Variants in PDE1C observed in about 807,000 individuals in gnomAD.
PDE1C encodes dual specificity calcium/calmodulin-dependent 3',5'-cyclic nucleotide phosphodiesterase 1C.
In PDE1C, 62 loss-of-function variants were observed where a neutral mutation model predicts 93.1. The observed-to-expected ratio is 0.67, with a 90% CI of 0.54 to 0.82. The LOEUF is 0.82. PDE1C is among the 40% of genes least tolerant of loss of function. The pLI is 0.00. For missense variants in PDE1C, 742 were observed against 884.6 expected (o/e 0.84, Z 2.04); for synonymous variants, 325 against 310.1 (o/e 1.05, Z -0.50).
intron 2 of PDE1C, among the ~76,000 whole-genome samples, chr7:32,008,938 A>T (rs1321522740): frequency 6.6e-6 from 1 of 151,628 alleles, no homozygotes; most frequent in East Asian, 1.9e-4. Flanking sequence ...CATAAGACAA[A>T]AAAAAGGCTA....
At chr7:32,050,362 T>C (rs1207203998) in intron 2 of PDE1C, among the ~76,000 whole-genome samples, 2 of 152,024 alleles carry the variant, frequency 1.3e-5, no homozygotes, top group Non-Finnish European at 2.9e-5. Context: ...GTTTAAAGAA[T>C]AAAGATGGAG....
chr7:31,907,689 T>C (rs1439863873), intron 2 of PDE1C, among the ~76,000 whole-genome samples: 1 of 152,024 alleles, frequency 6.6e-6, no homozygotes, highest in African/African-American at 2.4e-5. Context: ...AATAATAAAA[T>C]ATGTGAATGT....
chr7:31,890,713 GAAAT>G (rs1243260902), intron 2 of PDE1C, among the ~76,000 whole-genome samples: 7 of 151,982 alleles, frequency 4.6e-5, no homozygotes, highest in African/African-American at 9.7e-5. Context: ...TATAATAACA[GAAAT>G]AAATAAATTA....
At chr7:32,392,338 C>T (rs1030119730) in intron 1 of PDE1C, among the ~76,000 whole-genome samples, 39 of 152,148 alleles carry the variant, frequency 2.6e-4, no homozygotes, top group African/African-American at 8.2e-4. Context: ...TAGGTTGCTT[C>T]GCTGGTAAAT....
chr7:32,184,378 T>C (rs541440545), intron 2 of PDE1C, among the ~76,000 whole-genome samples: 31 of 152,242 alleles, frequency 2.0e-4, no homozygotes, highest in African/African-American at 7.0e-4. Context: ...CTATTCACAA[T>C]AGCAAAGACT....
At position 32,350,547 on chromosome 7, in the gene PDE1C, AATATATATATATATATATAT is replaced by A. The variant is rs1180195472; in HGVS notation, c.310+77255_310+77274del. ...TAAGGTCTATGCATGGCATTTGACT[AATATATATATATATATATAT>A]ATATATATATATATATATATATATT... On this transcript the variant is annotated intron_variant, in intron 1 of 1. Transcript: ENST00000672256. Among the ~76,000 whole-genome samples the A allele has an allele frequency of 4.0e-3, 163 of 41,042 alleles. 67 individuals are homozygous for A. The highest frequency in any genetic ancestry group is 3.4e-3 in the South Asian group (2 of 582). 26.9% of individuals were successfully genotyped at this position (41,042 alleles called of 152,430 possible).
intron 2 of PDE1C, among the ~76,000 whole-genome samples, chr7:31,896,367 C>A (rs1403846355): frequency 1.3e-5 from 2 of 152,280 alleles, no homozygotes; most frequent in African/African-American, 4.8e-5. Flanking sequence ...GAATTTATTA[C>A]CAGAAATAAA....
chr7:32,344,263 G>A (rs1323648935), intron 1 of PDE1C, among the ~76,000 whole-genome samples: 1 of 151,896 alleles, frequency 6.6e-6, no homozygotes, highest in East Asian at 1.9e-4. Flanking sequence ...TTTGTAGAGA[G>A]GGAGGTTTCA....
At chr7:32,213,171 T>C (rs2128846535) in intron 1 of PDE1C, among the ~76,000 whole-genome samples, 1 of 152,338 alleles carries the variant, frequency 6.6e-6, no homozygotes, top group Middle Eastern at 3.4e-3. Context: ...GTGTGTTTTG[T>C]TTGGTCTCAC....
chr7:31,650,117 G>T, the PDE1C span, among the ~76,000 whole-genome samples: 1 of 152,152 alleles, frequency 6.6e-6, no homozygotes, highest in Non-Finnish European at 1.5e-5. Context: ...CCTTCTAGAT[G>T]ATTACATTTC....
At chr7:32,387,886 C>A (rs380847) in intron 1 of PDE1C, among the ~76,000 whole-genome samples, 114,036 of 151,248 alleles carry the variant, frequency 0.75, 44,847 homozygotes, top group East Asian at 0.96. Context: ...CCGGACGGGG[C>A]GGCTGAGGAC....
chr7:32,321,859 T>A (rs1219726068), intron 1 of PDE1C, among the ~76,000 whole-genome samples: 1 of 152,194 alleles, frequency 6.6e-6, no homozygotes, highest in Non-Finnish European at 1.5e-5. Context: ...TGTTCAAATC[T>A]CCTTAATCCA....
At chr7:32,103,255 C>T (rs1798124691) in intron 3 of PDE1C, among the ~76,000 whole-genome samples, 1 of 152,054 alleles carries the variant, frequency 6.6e-6, no homozygotes, top group Admixed American at 6.6e-5. Flanking sequence ...GGCTATTCTA[C>T]CAGAGAAGAG....
chr7:32,034,266 T>C (rs1563225991), intron 2 of PDE1C, among the ~76,000 whole-genome samples: 1 of 152,092 alleles, frequency 6.6e-6, no homozygotes, highest in Non-Finnish European at 1.5e-5. Context: ...AGCCCTCTTG[T>C]GGCCCAACAG....
intron 17 of PDE1C, among the ~76,000 whole-genome samples, chr7:31,756,804 A>C (rs747532139): frequency 1.6e-4 from 25 of 152,242 alleles, no homozygotes; most frequent in Non-Finnish European, 3.7e-4. Flanking sequence ...CAGATGAGAT[A>C]TAATAACTAG....
intron 1 of PDE1C, among the ~76,000 whole-genome samples, chr7:32,053,715 C>T (rs191014393): frequency 6.6e-6 from 1 of 152,178 alleles, no homozygotes. Context: ...AAAGGCACTG[C>T]TGGGAGTTCT....
chr7:31,985,053 T>G (rs1270641943), intron 2 of PDE1C, among the ~76,000 whole-genome samples: 2 of 152,104 alleles, frequency 1.3e-5, no homozygotes, highest in African/African-American at 4.8e-5. Flanking sequence ...ATTATAAAAA[T>G]TGACGCCTAA....
At chr7:31,719,063 T>C in the PDE1C span, among the ~76,000 whole-genome samples, 5 of 152,226 alleles carry the variant, frequency 3.3e-5, no homozygotes, top group East Asian at 5.8e-4. Flanking sequence ...ATGGAACAAA[T>C]AGGAGGTAGG....
intron 1 of PDE1C, among the ~76,000 whole-genome samples, chr7:32,418,312 C>T (rs1437008440): frequency 1.3e-5 from 2 of 152,116 alleles, no homozygotes; most frequent in Admixed American, 6.5e-5. Context: ...CAAGTAAGAC[C>T]CCCGTACTCA....
Sources: gnomAD v4.1 joint callset for allele counts (sites outside exome capture counted in the v4.1 genomes callset) on GRCh38, gnomAD v4.1.1 for gene constraint, MANE v1.5 for transcripts, NCBI Gene and HGNC (gene_info 2026-07-23, HGNC 2026-07-21) for gene names.